The following RCBTB2 variants were observed in gnomAD, a reference collection of about 807,000 sequenced individuals.
The protein encoded by RCBTB2 is RCC1 and BTB domain-containing protein 2.
RCBTB2 carries 55 observed loss-of-function variants against 65.4 expected under a neutral mutation model. That is an observed-to-expected ratio of 0.84 (90% CI 0.68 to 1.05). RCBTB2 has a LOEUF of 1.05. Among genes scored for constraint, RCBTB2 ranks in the 50% least tolerant of loss-of-function variants. The pLI is 0.00. For synonymous variants in RCBTB2, 220 were observed against 255.2 expected, an observed-to-expected ratio of 0.86 and a Z score of 1.31; for missense variants, 599 against 680.1, an observed-to-expected ratio of 0.88 and a Z score of 1.33.
intron 1 of RCBTB2, among the ~76,000 whole-genome samples, chr13:48,526,404 T>C (rs1253377167): frequency 2.0e-5 from 3 of 151,996 alleles, no homozygotes; most frequent in Non-Finnish European, 2.9e-5. Flanking sequence ...CACGTGGTAG[T>C]ACACGCCTGT....
upstream of RCBTB2, chr13:48,533,312 A>G (rs1952289456): frequency 3.4e-6 from 1 of 297,308 alleles, no homozygotes; most frequent in Admixed American, 4.8e-5. Context: ...GGAGTCTCCC[A>G]TTGGGGCCGC....
chr13:48,506,976 A>T (rs766610653), intron 10 of RCBTB2, among the ~76,000 whole-genome samples: 1 of 152,124 alleles, frequency 6.6e-6, no homozygotes, highest in Non-Finnish European at 1.5e-5. Flanking sequence ...CCCTTCTGAG[A>T]TGTTTGTTCT....
At chr13:48,509,657 T>G (rs1441181413) in intron 10 of RCBTB2, among the ~76,000 whole-genome samples, 1 of 152,214 alleles carries the variant, frequency 6.6e-6, no homozygotes. Flanking sequence ...AAAATTAACC[T>G]ATGTTAAATT....
In RCBTB2 at chr13:48,515,324, C is replaced by CA. The variant is rs1166654552; in HGVS notation, c.229dup (p.Cys77LeufsTer6). 3.7e-6 allele frequency: 6 copies of CA among 1,614,012 alleles called. No homozygotes were observed. The highest frequency in any genetic ancestry group is 4.2e-6 in the Non-Finnish European group (5 of 1,180,018). On this transcript the variant is annotated frameshift_variant, in exon 6 of 15. Transcript: ENST00000344532. LOFTEE classifies it high-confidence loss of function. ...GCTCTGGACGTCACCTAACCCCAAACAGCCACAGCAGTTTGTGCCAAGCAC... is the reference window on the plus strand; with the variant it reads ...GCTCTGGACGTCACCTAACCCCAAACAAGCCACAGCAGTTTGTGCCAAGCAC...
chr13:48,501,528 C>T lies in RCBTB2; in HGVS notation c.1244+214G>A, dbSNP rs144186814. On this transcript the variant is annotated intron_variant, in intron 12 of 14. Transcript: ENST00000344532. ...AAGGTGACCACGCCACTTTTCAAGC[C>T]TAAGGAACGCCTATGGTACTGGTTC... Among the ~76,000 whole-genome samples, 438 of 152,278 alleles carry T rather than the reference C, an allele frequency of 2.9e-3. 2 individuals carry two copies. Among genetic ancestry groups the T allele is most frequent in the Non-Finnish European group, 4.4e-3 (300 of 68,006 alleles).
chr13:48,514,882 C>T (rs371768944), intron 6 of RCBTB2, among the ~76,000 whole-genome samples: 9 of 152,186 alleles, frequency 5.9e-5, no homozygotes, highest in African/African-American at 1.7e-4. Context: ...TAAGAGTTGG[C>T]GGGGGGATGT....
chr13:48,493,674 C>G lies in RCBTB2; in HGVS notation c.1515+2517G>C, dbSNP rs112556730. 4.3e-3 allele frequency among the ~76,000 whole-genome samples: 651 copies of G among 152,178 alleles called. 5 individuals carry two copies. Among genetic ancestry groups the G allele is most frequent in the Non-Finnish European group, 6.7e-3 (457 of 68,012 alleles). On this transcript the variant is annotated intron_variant, in intron 14 of 14. Coordinates refer to ENST00000344532, the MANE Select transcript of RCBTB2 (RefSeq NM_001268.4). ...CTCCTTCAGGTCTCTGCTTGAGTCA[C>G]CTGCTCACTGATGTCTTGCCTCCCT...
At chr13:48,492,095 C>A (rs997007338) in intron 14 of RCBTB2, among the ~76,000 whole-genome samples, 2 of 152,180 alleles carry the variant, frequency 1.3e-5, no homozygotes, top group Admixed American at 6.5e-5. Flanking sequence ...TACTTCTCCC[C>A]ATAAGCCTGA....
chr13:48,491,948 A>G (rs541015020), intron 14 of RCBTB2, among the ~76,000 whole-genome samples: 1 of 152,176 alleles, frequency 6.6e-6, no homozygotes, highest in African/African-American at 2.4e-5. Context: ...GGCCCCCATT[A>G]TTTTTCAGTT....
chr13:48,508,548 C>T (rs1419667377), intron 10 of RCBTB2, among the ~76,000 whole-genome samples: 1 of 152,050 alleles, frequency 6.6e-6, no homozygotes, highest in African/African-American at 2.4e-5. Flanking sequence ...GGATTACAGG[C>T]ATGTGCCACT....
rs1441354669 is a variant in RCBTB2, at chr13:48,525,383, T to C, written c.-218-626A>G. Among the ~76,000 whole-genome samples the C allele has an allele frequency of 1.1e-4, 8 of 71,086 alleles. No individual in the cohort carries two copies. In the East Asian group the frequency reaches 2.2e-3, roughly 19 times the overall value. The allele number at this position is 71,086 out of a possible 152,430, so 46.6% of individuals were successfully genotyped here. On this transcript the variant is annotated intron_variant, in intron 1 of 14. Coordinates refer to ENST00000344532, the MANE Select transcript of RCBTB2 (RefSeq NM_001268.4). ...GAGCAAAGGATTCATGATATATATA[T>C]ATATATATATATATATATATATATA...
intron 14 of RCBTB2, among the ~76,000 whole-genome samples, chr13:48,494,383 A>G (rs183487866): frequency 6.6e-6 from 1 of 152,324 alleles, no homozygotes; most frequent in African/African-American, 2.4e-5. Context: ...AGTCTATTAT[A>G]CTAATTTAGG....
chr13:48,501,336 T>A (rs1357304785), intron 12 of RCBTB2, among the ~76,000 whole-genome samples: 1 of 152,232 alleles, frequency 6.6e-6, no homozygotes, highest in East Asian at 1.9e-4. Context: ...TGATCTTCTC[T>A]TTCTTAAACC....
chr13:48,521,263 G>C (rs1006521793), intron 4 of RCBTB2, among the ~76,000 whole-genome samples: 1 of 152,156 alleles, frequency 6.6e-6, no homozygotes, highest in African/African-American at 2.4e-5. Context: ...TGTATACAAT[G>C]CTGGCTTTGC....
At chr13:48,498,814 C>T (rs1013877698) in intron 13 of RCBTB2, among the ~76,000 whole-genome samples, 1 of 152,042 alleles carries the variant, frequency 6.6e-6, no homozygotes, top group African/African-American at 2.4e-5. Context: ...GCCTGTTGTT[C>T]TCTATCTTCC....
chr13:48,527,524 T>C (rs1444811568), intron 1 of RCBTB2, among the ~76,000 whole-genome samples: 1 of 151,820 alleles, frequency 6.6e-6, no homozygotes, highest in Non-Finnish European at 1.5e-5. Context: ...AAATAGAAAA[T>C]GGAATGATAA....
intron 10 of RCBTB2, among the ~76,000 whole-genome samples, chr13:48,506,390 A>G (rs1433537008): frequency 6.6e-6 from 1 of 152,232 alleles, no homozygotes; most frequent in Non-Finnish European, 1.5e-5. Flanking sequence ...TCTCAGAAAG[A>G]CTGACCTGGC....
At chr13:48,493,319 T>A (rs865885994) in intron 14 of RCBTB2, among the ~76,000 whole-genome samples, 341 of 109,704 alleles carry the variant, frequency 3.1e-3, no homozygotes, top group African/African-American at 0.022. Flanking sequence ...ACACACACTC[T>A]CTCTCTCTCT....
At chr13:48,500,342 G>A (rs1211920861) in intron 12 of RCBTB2, among the ~76,000 whole-genome samples, 6 of 152,076 alleles carry the variant, frequency 3.9e-5, no homozygotes, top group Non-Finnish European at 7.4e-5. Flanking sequence ...GGTGGATCAC[G>A]AGGTCAGGAG....
Sources: allele counts gnomAD v4.1 joint callset (sites outside exome capture counted in the v4.1 genomes callset), GRCh38; gene constraint gnomAD v4.1.1; transcripts MANE v1.5; gene names NCBI Gene and HGNC (gene_info 2026-07-23, HGNC 2026-07-21).